Variants in DCUN1D1 observed in about 807,000 individuals in gnomAD.
DCUN1D1 encodes DCN1-like protein 1.
Under a neutral mutation model 39.0 loss-of-function variants are expected in DCUN1D1, and 3 were observed. That is an observed-to-expected ratio of 0.08 (90% CI 0.04 to 0.20). DCUN1D1 has a LOEUF of 0.20. Ranked by LOEUF, DCUN1D1 falls within the 10% of genes least tolerant of loss-of-function variation. The probability of loss-of-function intolerance (pLI) is 1.00; values close to 1 mark genes in which losing one functional copy is unlikely to be tolerated. For missense variants in DCUN1D1, 158 were observed against 302.4 expected (o/e 0.52, Z 3.54); for synonymous variants, 82 against 96.3 (o/e 0.85, Z 0.87).
chr3:182,977,006 T>C (rs1728270646), intron 1 of DCUN1D1, among the ~76,000 whole-genome samples: 1 of 152,238 alleles, frequency 6.6e-6, no homozygotes, highest in African/African-American at 2.4e-5. Flanking sequence ...TTTAAAGCCA[T>C]TGAAAACATA....
upstream of DCUN1D1, among the ~76,000 whole-genome samples, chr3:182,985,182 C>T (rs1326526283): frequency 6.6e-6 from 1 of 152,140 alleles, no homozygotes; most frequent in Non-Finnish European, 1.5e-5. Flanking sequence ...CCTAGTGAAG[C>T]CACAGGAAGC....
At chr3:182,974,612 T>C (rs1728118198) in intron 1 of DCUN1D1, among the ~76,000 whole-genome samples, 1 of 152,160 alleles carries the variant, frequency 6.6e-6, no homozygotes, top group African/African-American at 2.4e-5. Flanking sequence ...TAATATTTGA[T>C]ATTTTCTCAA....
chr3:182,984,045 T>C (rs112258166), upstream of DCUN1D1, among the ~76,000 whole-genome samples: 2,310 of 152,356 alleles, frequency 0.015, 55 homozygotes, highest in African/African-American at 0.052. Context: ...GAGTTTTCAG[T>C]GTCAAAGTGA....
At chr3:182,960,129 T>TA (rs1291069093) in intron 4 of DCUN1D1, among the ~76,000 whole-genome samples, 1 of 152,158 alleles carries the variant, frequency 6.6e-6, no homozygotes, top group Non-Finnish European at 1.5e-5. Flanking sequence ...AAAATGGACT[T>TA]ACATACAAGA....
chr3:182,957,554 A>G (rs1727140493), intron 4 of DCUN1D1, among the ~76,000 whole-genome samples: 1 of 152,004 alleles, frequency 6.6e-6, no homozygotes, highest in African/African-American at 2.4e-5. Context: ...TGAGCCTAGG[A>G]GTTTGAGACT....
rs1300500758 is a variant in DCUN1D1, at chr3:182,942,876, T to C, written c.*2218A>G. ...CTTCTCTTTTCAGCCCTAGTAAAAG[T>C]TTTGTTTAATTCTAAGATGCCATCA... On this transcript the variant is annotated 3_prime_UTR_variant, in exon 7 of 7. Coordinates refer to ENST00000292782, the MANE Select transcript of DCUN1D1 (RefSeq NM_020640.4). 5 of 152,134 alleles carry C rather than the reference T, an allele frequency of 3.3e-5. No individual in the cohort carries two copies. Among genetic ancestry groups the C allele is most frequent in the East Asian group, 1.9e-4 (1 of 5,180 alleles). The allele number at this position is 152,134 out of a possible 1,614,324, so 9.4% of individuals were successfully genotyped here.
At chr3:182,964,203 T>G (rs1159765593) in intron 2 of DCUN1D1, among the ~76,000 whole-genome samples, 154 bp from the exon 3 acceptor site, 1 of 152,244 alleles carries the variant, frequency 6.6e-6, no homozygotes, top group Non-Finnish European at 1.5e-5. Flanking sequence ...TCCCATTATT[T>G]AAAGCCATTC....
Position 182,964,042 on chromosome 3 carries a change from T to C in DCUN1D1, c.228A>G (p.Gln76=). The C allele has an allele frequency of 6.2e-7, 1 of 1,610,310 alleles. No homozygotes were observed. The highest frequency in any genetic ancestry group is 8.5e-7 in the Non-Finnish European group (1 of 1,177,902). ...EQLYNRYKDP[Q]DENKIGIDGI... ...CATCTATTCCAATTTTATTCTCATC[T>C]TGAGGGTCTTTAAAAATAACAATGC... Residue 76 remains glutamine, a synonymous_variant, in exon 3 of 7, where the codon CAA becomes CAG. Transcript: ENST00000292782.
upstream of DCUN1D1, chr3:182,980,591 A>C (rs930688465): frequency 2.7e-6 from 3 of 1,123,866 alleles, no homozygotes; most frequent in East Asian, 5.4e-5. Context: ...GCTCCCGCTC[A>C]TGCGCAGTGC....
chr3:182,975,425 C>T (rs1359548122), intron 1 of DCUN1D1, among the ~76,000 whole-genome samples: 1 of 152,002 alleles, frequency 6.6e-6, no homozygotes, highest in Non-Finnish European at 1.5e-5. Flanking sequence ...ATCCGCCCGC[C>T]TCAGCCCCCC....
upstream of DCUN1D1, among the ~76,000 whole-genome samples, chr3:182,983,264 C>T (rs1308189768): frequency 1.3e-5 from 2 of 152,196 alleles, no homozygotes; most frequent in Admixed American, 6.5e-5. Context: ...CTAGCTAATA[C>T]TGACTGAGCC....
At chr3:182,976,444 TACACAC>T (rs59465164) in intron 1 of DCUN1D1, among the ~76,000 whole-genome samples, 19,232 of 140,610 alleles carry the variant, frequency 0.14, 1,288 homozygotes, top group African/African-American at 0.16. Context: ...TATACATACA[TACACAC>T]ACACACACAC....
At chr3:182,950,279 C>T (rs1726641470) in intron 4 of DCUN1D1, among the ~76,000 whole-genome samples, 2 of 151,978 alleles carry the variant, frequency 1.3e-5, no homozygotes, top group South Asian at 2.1e-4. Flanking sequence ...TCCTGAGTAG[C>T]TGGGATTACA....
chr3:182,969,543 T>C (rs1327759893), intron 1 of DCUN1D1, among the ~76,000 whole-genome samples: 3 of 152,166 alleles, frequency 2.0e-5, no homozygotes, highest in African/African-American at 7.2e-5. Flanking sequence ...AGCACTCAAA[T>C]GTAATATATG....
At chr3:182,981,110 CCTT>C (rs1050109971), upstream of DCUN1D1, among the ~76,000 whole-genome samples, 3 of 152,030 alleles carry the variant, frequency 2.0e-5, no homozygotes, top group African/African-American at 7.2e-5. Flanking sequence ...CCAGGGGAGA[CCTT>C]AGTCCCCCCC....
In DCUN1D1 at chr3:182,975,297, C is replaced by T. The variant is rs549891168; in HGVS notation, c.3+5190G>A. On this transcript the variant is annotated intron_variant, in intron 1 of 6. Coordinates refer to ENST00000292782, the MANE Select transcript of DCUN1D1 (RefSeq NM_020640.4). ...GTTCACGCCAGTCTCCCGCCTCAGC[C>T]TCCTGAGTAGCTGGGACTACAGGCG... Among the ~76,000 whole-genome samples, 4 of 152,064 alleles carry T rather than the reference C, an allele frequency of 2.6e-5. No individual in the cohort carries two copies. In the South Asian group the frequency reaches 8.3e-4, roughly 32 times the overall value.
At chr3:182,981,022 C>T (rs1311696210), upstream of DCUN1D1, 1 of 152,386 alleles carries the variant, frequency 6.6e-6, no homozygotes, top group Admixed American at 6.5e-5. Flanking sequence ...GTGGAAACAC[C>T]TCCCCCTGCC....
chr3:182,972,981 G>C (rs1021812397), intron 1 of DCUN1D1, among the ~76,000 whole-genome samples: 1 of 152,222 alleles, frequency 6.6e-6, no homozygotes, highest in Admixed American at 6.5e-5. Flanking sequence ...GGCGGAGGTT[G>C]TGGTGAGCGG....
chr3:182,951,753 G>A (rs1726766123), intron 4 of DCUN1D1, among the ~76,000 whole-genome samples: 1 of 145,926 alleles, frequency 6.9e-6, no homozygotes, highest in Non-Finnish European at 1.5e-5. Context: ...CTGGAGTGCA[G>A]TGGTGCGATC....
Sources: gnomAD v4.1 joint callset for allele counts (sites outside exome capture counted in the v4.1 genomes callset) on GRCh38, gnomAD v4.1.1 for gene constraint, MANE v1.5 for transcripts, NCBI Gene and HGNC (gene_info 2026-07-23, HGNC 2026-07-21) for gene names.